The following KHDRBS3 variants were observed in gnomAD, a reference collection of about 807,000 sequenced individuals.
KHDRBS3 encodes the protein KH RNA binding domain containing, signal transduction associated 3.
In KHDRBS3, 23 loss-of-function variants were observed where a neutral mutation model predicts 45.6. The ratio of observed to expected loss-of-function variants is 0.50; its 90% CI spans 0.36 to 0.72. The LOEUF (loss-of-function observed/expected upper bound fraction) is 0.72, where lower values mean the gene tolerates loss of function less well. Among genes scored for constraint, KHDRBS3 ranks in the 30% least tolerant of loss-of-function variants. The pLI is 0.00. For synonymous variants in KHDRBS3, 162 were observed against 156.5 expected, an observed-to-expected ratio of 1.04 and a Z score of -0.26; for missense variants, 352 against 424.8, an observed-to-expected ratio of 0.83 and a Z score of 1.51.
intron 4 of KHDRBS3, among the ~76,000 whole-genome samples, chr8:135,655,897 A>G (rs1480537538): frequency 6.6e-6 from 1 of 152,234 alleles, no homozygotes; most frequent in Non-Finnish European, 1.5e-5. Context: ...GGACTCTGCC[A>G]GGGTGGACCC....
intron 2 of KHDRBS3, among the ~76,000 whole-genome samples, chr8:135,536,444 T>C (rs548513617): frequency 1.1e-4 from 16 of 152,098 alleles, no homozygotes; most frequent in Non-Finnish European, 2.1e-4. Flanking sequence ...GGAAGGGCTT[T>C]TCACAGCAGT....
intron 1 of KHDRBS3, among the ~76,000 whole-genome samples, chr8:135,483,369 C>A (rs1476657434): frequency 6.6e-6 from 1 of 152,170 alleles, no homozygotes; most frequent in African/African-American, 2.4e-5. Context: ...TAAACACATT[C>A]TGCTGCCATT....
chr8:135,464,130 AC>A (rs1821577136), intron 1 of KHDRBS3, among the ~76,000 whole-genome samples: 1 of 126,222 alleles, frequency 7.9e-6, no homozygotes, highest in Non-Finnish European at 1.7e-5. Context: ...TTGTTAAGAT[AC>A]TTTAAGAAAA....
intron 1 of KHDRBS3, among the ~76,000 whole-genome samples, chr8:135,503,931 A>G (rs959197581): frequency 6.6e-6 from 1 of 152,094 alleles, no homozygotes; most frequent in Non-Finnish European, 1.5e-5. Flanking sequence ...AGCTCTCATA[A>G]ATATGTAGAA....
At chr8:135,568,193 A>G (rs1216750863) in intron 5 of KHDRBS3, among the ~76,000 whole-genome samples, 2 of 152,192 alleles carry the variant, frequency 1.3e-5, no homozygotes, top group African/African-American at 2.4e-5. Context: ...TCCATTCTGG[A>G]TATTATATAT....
At chr8:135,469,594 T>A (rs888096379) in intron 1 of KHDRBS3, among the ~76,000 whole-genome samples, 4 of 142,922 alleles carry the variant, frequency 2.8e-5, no homozygotes, top group African/African-American at 1.1e-4. Context: ...AATGGCGCGG[T>A]CTTGGCTCAC....
At chr8:135,594,753 G>A (rs1003124420) in intron 6 of KHDRBS3, among the ~76,000 whole-genome samples, 1 of 152,150 alleles carries the variant, frequency 6.6e-6, no homozygotes, top group Non-Finnish European at 1.5e-5. Flanking sequence ...TGTGGACTGG[G>A]ATGTGGCACA....
chr8:135,562,796 G>T (rs1827231486), intron 5 of KHDRBS3, among the ~76,000 whole-genome samples: 1 of 152,162 alleles, frequency 6.6e-6, no homozygotes, highest in Admixed American at 6.5e-5. Context: ...AGAATTCAGT[G>T]TCTAAATGTC....
intron 1 of KHDRBS3, among the ~76,000 whole-genome samples, chr8:135,495,330 A>G (rs1823383637): frequency 6.6e-6 from 1 of 152,058 alleles, no homozygotes; most frequent in African/African-American, 2.4e-5. Flanking sequence ...CAATTATCCA[A>G]CTTTTTGTCA....
At chr8:135,610,310 CATG>C (rs1402419260) in intron 7 of KHDRBS3, among the ~76,000 whole-genome samples, 1 of 151,862 alleles carries the variant, frequency 6.6e-6, no homozygotes, top group Non-Finnish European at 1.5e-5. Context: ...AGTTAATATA[CATG>C]ATGAAACTGA....
At chr8:135,516,127 G>C (rs932241678) in intron 1 of KHDRBS3, among the ~76,000 whole-genome samples, 1 of 152,182 alleles carries the variant, frequency 6.6e-6, no homozygotes, top group Non-Finnish European at 1.5e-5. Context: ...GAGTACTGTA[G>C]GCAGTTGTAA....
At chr8:135,478,895 T>G (rs1302065251) in intron 1 of KHDRBS3, among the ~76,000 whole-genome samples, 1 of 152,162 alleles carries the variant, frequency 6.6e-6, no homozygotes, top group Non-Finnish European at 1.5e-5. Context: ...CCTTCCATCT[T>G]AAGACACTGG....
At chr8:135,518,306 T>G (rs1443041205) in intron 1 of KHDRBS3, among the ~76,000 whole-genome samples, 1 of 152,062 alleles carries the variant, frequency 6.6e-6, no homozygotes, top group African/African-American at 2.4e-5. Flanking sequence ...CCCCAGTAGC[T>G]GGACTACAGG....
intron 1 of KHDRBS3, among the ~76,000 whole-genome samples, chr8:135,485,907 A>G (rs1372772789): frequency 6.7e-6 from 1 of 148,316 alleles, no homozygotes; most frequent in East Asian, 2.0e-4. Flanking sequence ...ATGTTTACAA[A>G]GATACACCAG....
intron 2 of KHDRBS3, among the ~76,000 whole-genome samples, chr8:135,533,717 C>T (rs766448276): frequency 1.3e-5 from 2 of 152,150 alleles, no homozygotes; most frequent in African/African-American, 4.8e-5. Flanking sequence ...TACTGATCCT[C>T]GCTTACAATG....
intron 6 of KHDRBS3, among the ~76,000 whole-genome samples, chr8:135,589,393 G>A (rs1043105624): frequency 6.6e-6 from 1 of 152,152 alleles, no homozygotes; most frequent in African/African-American, 2.4e-5. Context: ...AGACTCCTCT[G>A]CATTGTGTTT....
At chr8:135,600,098 C>T (rs1191139664) in intron 6 of KHDRBS3, among the ~76,000 whole-genome samples, 1 of 151,858 alleles carries the variant, frequency 6.6e-6, no homozygotes, top group Admixed American at 6.6e-5. Context: ...GCAGGCACCT[C>T]CCTGGGTGAG....
At chr8:135,571,982 C>T (rs1249913807) in intron 5 of KHDRBS3, among the ~76,000 whole-genome samples, 3 of 152,158 alleles carry the variant, frequency 2.0e-5, no homozygotes, top group South Asian at 4.1e-4. Flanking sequence ...TAATTCGATA[C>T]TAAAAACTGA....
intron 5 of KHDRBS3, among the ~76,000 whole-genome samples, chr8:135,572,988 G>C (rs889088243): frequency 6.6e-6 from 1 of 152,186 alleles, no homozygotes; most frequent in Non-Finnish European, 1.5e-5. Context: ...GAATGTTATA[G>C]GAAAGATACA....
Sources: gnomAD v4.1 joint callset for allele counts (sites outside exome capture counted in the v4.1 genomes callset) on GRCh38, gnomAD v4.1.1 for gene constraint, MANE v1.5 for transcripts, NCBI Gene and HGNC (gene_info 2026-07-23, HGNC 2026-07-21) for gene names.